CARS2: variants seen among roughly 807,000 people sequenced by gnomAD.
The protein encoded by CARS2 is cysteinyl-tRNA synthetase 2, mitochondrial.
A neutral mutation model predicts 68.8 loss-of-function variants in CARS2; 52 were observed. That is an observed-to-expected ratio of 0.76 (90% CI 0.61 to 0.95). The LOEUF is 0.95. CARS2 is among the 40% of genes least tolerant of loss of function. CARS2 has a pLI of 0.00. For synonymous variants in CARS2, 314 were observed against 303.6 expected, an observed-to-expected ratio of 1.03 and a Z score of -0.36; for missense variants, 780 against 754.2, an observed-to-expected ratio of 1.03 and a Z score of -0.40.
chr13:110,687,179 C>T (rs1200694335), intron 5 of CARS2, among the ~76,000 whole-genome samples: 1 of 152,172 alleles, frequency 6.6e-6, no homozygotes, highest in East Asian at 1.9e-4. Context: ...CCAAGACTAG[C>T]TGTCCAGACG....
chr13:110,713,342 C>T (rs1426458098), exon 1 of CARS2: 2 of 1,106,192 alleles, frequency 1.8e-6, no homozygotes, highest in Non-Finnish European at 2.2e-6. Flanking sequence ...CCGTTAGGTC[C>T]TGGTCGGGTT....
At chr13:110,660,820 G>T (rs2062483704) in intron 9 of CARS2, among the ~76,000 whole-genome samples, 1 of 148,014 alleles carries the variant, frequency 6.8e-6, no homozygotes, top group Admixed American at 6.8e-5. Flanking sequence ...GGAGTGCAGT[G>T]GCACAATCTC....
chr13:110,679,251 T>C (rs2063065312), intron 6 of CARS2, among the ~76,000 whole-genome samples: 1 of 152,030 alleles, frequency 6.6e-6, no homozygotes, highest in Non-Finnish European at 1.5e-5. Flanking sequence ...AAATGGGAGC[T>C]GGGCGCGGTG....
intron 7 of CARS2, among the ~76,000 whole-genome samples, chr13:110,669,297 G>A (rs2062737054): frequency 6.6e-6 from 1 of 152,104 alleles, no homozygotes; most frequent in African/African-American, 2.4e-5. Flanking sequence ...TACTCAAGCT[G>A]TCTGGGAGTC....
Position 110,705,761 on chromosome 13 carries a change from C to A in CARS2, c.224+109G>T. 1.3e-6 allele frequency: 2 copies of A among 1,534,582 alleles called. No homozygotes were observed. The highest frequency in any genetic ancestry group is 1.7e-6 in the Non-Finnish European group (2 of 1,144,440). On this transcript the variant is annotated intron_variant, in intron 1 of 14. Coordinates refer to ENST00000257347, the MANE Select transcript of CARS2 (RefSeq NM_024537.4). This position sits in a 1 kb window ranked among gnomAD's most constrained non-coding sequence, Gnocchi z 4.0. ...CGCACCCCCAGCTTCTAGAACGGCG[C>A]CCTCCATGCAGCTTCCTAAACGCCC...
chr13:110,702,785 G>C (rs914005129), intron 2 of CARS2, among the ~76,000 whole-genome samples: 3 of 152,164 alleles, frequency 2.0e-5, no homozygotes, highest in African/African-American at 7.2e-5. Flanking sequence ...CGCCTTGCAA[G>C]TGCCGGGCAG....
intron 10 of CARS2, chr13:110,648,668 C>T (rs1025816831): frequency 9.9e-5 from 15 of 152,242 alleles, no homozygotes; most frequent in Non-Finnish European, 2.9e-5. Context: ...GATCCACGTC[C>T]TGACTAACCT....
rs574399275 is a variant in CARS2 at position 110,702,866 on chromosome 13, G to A, written c.276-1311C>T. Among the ~76,000 whole-genome samples, 3 of 152,300 alleles carry A rather than the reference G, an allele frequency of 2.0e-5. No individual in the cohort carries two copies. In the East Asian group the frequency reaches 5.8e-4, roughly 29 times the overall value. ...TGACTCCACCATGAACCATGCTACC[G>A]TCAGCCCGGCTCTTTCTGCCCCATT... On this transcript the variant is annotated intron_variant, in intron 2 of 14. Transcript: ENST00000257347.
At chr13:110,711,552 A>C (rs1566373908) in intron 1 of CARS2, among the ~76,000 whole-genome samples, 1 of 152,230 alleles carries the variant, frequency 6.6e-6, no homozygotes, top group Non-Finnish European at 1.5e-5. Flanking sequence ...GTAGTGGCCA[A>C]TAAATCTTGT....
At chr13:110,680,395 A>AAAAC (rs567202238) in intron 6 of CARS2, among the ~76,000 whole-genome samples, 110 of 152,302 alleles carry the variant, frequency 7.2e-4, no homozygotes, top group East Asian at 4.6e-3. Flanking sequence ...TCCGTCTCAA[A>AAAAC]AAACAAACAA....
intron 3 of CARS2, among the ~76,000 whole-genome samples, chr13:110,688,626 A>C (rs1005803699): frequency 2.0e-5 from 3 of 152,066 alleles, no homozygotes; most frequent in African/African-American, 7.2e-5. Context: ...ACTAAAGAGG[A>C]GGCTGGGTGT....
intron 12 of CARS2, chr13:110,645,487 C>G (rs1566640086): frequency 6.5e-6 from 1 of 152,674 alleles, no homozygotes; most frequent in East Asian, 1.9e-4. Context: ...AAGCCTGCCG[C>G]CGCCTTCACG....
Position 110,676,948 on chromosome 13 carries a change from C to T in CARS2, c.785+26G>A. On this transcript the variant is annotated intron_variant, in intron 7 of 14. Coordinates refer to ENST00000257347, the MANE Select transcript of CARS2 (RefSeq NM_024537.4). The surrounding 1 kb of genome is among the most constrained non-coding windows in gnomAD (Gnocchi z 4.0). ...GGCACCAGGGGAACTTGAGCCCCAACCCCCAGGAAGCGGCAGGCACCTTAC... is the reference window on the plus strand; with the variant it reads ...GGCACCAGGGGAACTTGAGCCCCAATCCCCAGGAAGCGGCAGGCACCTTAC... The T allele has an allele frequency of 2.0e-6, 3 of 1,507,080 alleles. No homozygotes were observed. Among genetic ancestry groups the T allele is most frequent in the Middle Eastern group, 1.9e-4 (1 of 5,320 alleles). The allele number at this position is 1,507,080 out of a possible 1,614,324, so 93.4% of individuals were successfully genotyped here.
chr13:110,642,598 C>T (rs1447267221), intron 13 of CARS2, 77 bp from the exon 14 acceptor site: 3 of 1,420,356 alleles, frequency 2.1e-6, no homozygotes, highest in Non-Finnish European at 3.0e-6. Flanking sequence ...CGTGGTTGGG[C>T]TCTGGGCCGA....
At chr13:110,641,760 A>G (rs1887335362) in intron 14 of CARS2, 152 bp from the exon 15 acceptor site, 1 of 701,858 alleles carries the variant, frequency 1.4e-6, no homozygotes, top group Admixed American at 2.1e-5. Context: ...CACTACCTCC[A>G]GCAGAAGGCC....
chr13:110,657,482 G>C (rs1008536739), intron 9 of CARS2, among the ~76,000 whole-genome samples: 1 of 152,206 alleles, frequency 6.6e-6, no homozygotes, highest in African/African-American at 2.4e-5. Context: ...TGGGGGACCG[G>C]AGCCAGTCAG....
rs59276783 is a variant in CARS2 at position 110,649,931 on chromosome 13, C to CTTTTTTTTTTTTTTTTTTTT, written c.1054+1083_1054+1102dup. 8.2e-5 allele frequency among the ~76,000 whole-genome samples: 6 copies of CTTTTTTTTTTTTTTTTTTTT among 73,146 alleles called. 1 individual carries two copies. Among genetic ancestry groups the CTTTTTTTTTTTTTTTTTTTT allele is most frequent in the South Asian group, 5.8e-4 (1 of 1,724 alleles). The allele number at this position is 73,146 out of a possible 152,430, so 48.0% of individuals were successfully genotyped here. On this transcript the variant is annotated intron_variant, in intron 10 of 14. Coordinates refer to ENST00000257347, the MANE Select transcript of CARS2 (RefSeq NM_024537.4). The stretch of plus-strand genomic sequence containing the variant: ...CCAGGGATGCAGCTCTGGATAACGA[C>CTTTTTTTTTTTTTTTTTTTT]TTTTTTTTTTTTTTTTTTTTTTTTG...
At chr13:110,696,010 T>A (rs1234362367) in intron 3 of CARS2, among the ~76,000 whole-genome samples, 1 of 152,168 alleles carries the variant, frequency 6.6e-6, no homozygotes, top group Non-Finnish European at 1.5e-5. Context: ...CTCCCACTTA[T>A]GAGTGAGAAC....
At chr13:110,669,491 G>T (rs1265558472) in intron 7 of CARS2, among the ~76,000 whole-genome samples, 2 of 152,130 alleles carry the variant, frequency 1.3e-5, no homozygotes, top group Non-Finnish European at 2.9e-5. Flanking sequence ...CCTTTCCTGT[G>T]TTTCTAATTT....
Sources: allele counts gnomAD v4.1 joint callset (sites outside exome capture counted in the v4.1 genomes callset), GRCh38; gene constraint gnomAD v4.1.1; non-coding constraint Gnocchi (gnomAD v3.1); transcripts MANE v1.5; gene names NCBI Gene and HGNC (gene_info 2026-07-23, HGNC 2026-07-21).